Variants in DYNC2H1 observed in about 807,000 individuals in gnomAD.
DYNC2H1 encodes the protein cytoplasmic dynein 2 heavy chain 1.
Under a neutral mutation model 570.0 loss-of-function variants are expected in DYNC2H1, and 410 were observed. The observed-to-expected ratio is 0.72, with a 90% CI of 0.66 to 0.78. The LOEUF (loss-of-function observed/expected upper bound fraction) is 0.78. Ranked by LOEUF, DYNC2H1 falls within the 30% of genes least tolerant of loss-of-function variation. DYNC2H1 has a pLI of 0.00. For synonymous variants in DYNC2H1, 1,688 were observed against 1,677.6 expected (o/e 1.01, Z -0.15); for missense variants, 4,865 against 5,046.4 (o/e 0.96, Z 1.09).
chr11:103,292,570 T>C (rs313382), intron 75 of DYNC2H1, among the ~76,000 whole-genome samples: 99,125 of 152,102 alleles, frequency 0.65, 32,272 homozygotes, highest in East Asian at 0.71. Flanking sequence ...GCAAATCTCA[T>C]GTTGAATTGT....
chr11:103,322,981 T>C (rs1037708068), intron 81 of DYNC2H1, among the ~76,000 whole-genome samples: 4 of 152,158 alleles, frequency 2.6e-5, no homozygotes, highest in African/African-American at 7.2e-5. Context: ...TTCCAAAATG[T>C]GACATATTTA....
chr11:103,418,270 A>G (rs569493348), intron 84 of DYNC2H1, among the ~76,000 whole-genome samples: 1 of 152,296 alleles, frequency 6.6e-6, no homozygotes, highest in East Asian at 1.9e-4. Flanking sequence ...CTATTTACAA[A>G]ATCTTAAGGA....
intron 82 of DYNC2H1, among the ~76,000 whole-genome samples, chr11:103,340,839 T>G (rs1939408321): frequency 6.6e-6 from 1 of 152,078 alleles, no homozygotes; most frequent in Non-Finnish European, 1.5e-5. Context: ...AACAGTTGAT[T>G]CACTCTGCCA....
rs538804444 is a variant in DYNC2H1 at position 103,399,646 on chromosome 11, T to C, written c.12157-17T>C. The C allele has an allele frequency of 6.3e-7, 1 of 1,579,492 alleles. No individual in the cohort carries two copies. The highest frequency in any genetic ancestry group is 1.3e-5 in the African/African-American group (1 of 74,130). ...CTGTGTTACTATTCGGTAAATATTA[T>C]GACATTTTTCTTTTAGAATTCAAAC... On this transcript the variant is annotated splice_polypyrimidine_tract_variant and intron_variant, in intron 83 of 88. Coordinates refer to ENST00000375735, the MANE Select transcript of DYNC2H1 (RefSeq NM_001377.3).
chr11:103,273,539 A>C (rs1865790218), intron 70 of DYNC2H1, among the ~76,000 whole-genome samples: 1 of 152,194 alleles, frequency 6.6e-6, no homozygotes, highest in Non-Finnish European at 1.5e-5. Flanking sequence ...GAAATAATGC[A>C]GCCATGCACT....
At chr11:103,464,670 A>G (rs1403744892) in intron 87 of DYNC2H1, among the ~76,000 whole-genome samples, 1 of 152,218 alleles carries the variant, frequency 6.6e-6, no homozygotes, top group Non-Finnish European at 1.5e-5. Flanking sequence ...TAATATATTC[A>G]AATTGATGAA....
chr11:103,304,379 T>C (rs919458895), intron 76 of DYNC2H1, among the ~76,000 whole-genome samples: 16 of 152,268 alleles, frequency 1.1e-4, no homozygotes, highest in African/African-American at 3.8e-4. Context: ...TTGTACCTGT[T>C]ACTAGTGATT....
In DYNC2H1 at chr11:103,159,086, A is replaced by G; in HGVS notation, c.4378+59A>G. ...TGAGTTTCAACTGTCTGCCAGGCCTAATATTATGCTCTTAGGTAGACTACT... is the reference window on the plus strand; with the variant it reads ...TGAGTTTCAACTGTCTGCCAGGCCTGATATTATGCTCTTAGGTAGACTACT... On this transcript the variant is annotated intron_variant, in intron 28 of 88. Transcript: ENST00000375735. The G allele has an allele frequency of 3.0e-6, 4 of 1,350,440 alleles. No individual in the cohort carries two copies. In the South Asian group the frequency reaches 3.8e-5, roughly 13 times the overall value. The allele number at this position is 1,350,440 out of a possible 1,614,324, so 83.7% of individuals were successfully genotyped here.
At chr11:103,466,311 AAAT>A (rs1335413561) in intron 87 of DYNC2H1, among the ~76,000 whole-genome samples, 1 of 152,204 alleles carries the variant, frequency 6.6e-6, no homozygotes, top group African/African-American at 2.4e-5. Flanking sequence ...AAAGTTACAG[AAAT>A]AAAACTGAAA....
In DYNC2H1 at chr11:103,145,782, C is replaced by T. The variant is rs1860213399; in HGVS notation, c.2703-1990C>T. Among the ~76,000 whole-genome samples, 1 of 152,144 alleles carries T rather than the reference C, an allele frequency of 6.6e-6. No individual in the cohort carries two copies. The highest frequency in any genetic ancestry group is 2.4e-5 in the African/African-American group (1 of 41,440). ...CATAAGAAAATCATTTTTGAATATG[C>T]ATCTTTGATATATAATGAGTCATCT... On this transcript the variant is annotated intron_variant, in intron 18 of 88. Transcript: ENST00000375735. This position sits in a 1 kb window ranked among gnomAD's most constrained non-coding sequence, Gnocchi z 4.2.
chr11:103,307,827 A>C lies in DYNC2H1; in HGVS notation c.11489A>C (p.Tyr3830Ser). ...ILLQSSLKIT[Y>S]ESPPGLKKNL... is the part of the protein sequence containing the mutation. ...CTACAGTCAAGTCTGAAGATAACAT[A>C]TGAGGTAAGAAGATTTAAAACTTGG... Residue 3830 changes from tyrosine to serine, a missense_variant, in exon 78 of 89, where the codon TAT (tyrosine) becomes TCT (serine). Tyr to Ser is a moderately radical substitution (Grantham distance 144, BLOSUM62 -2). Around this residue, in one of 5 missense-constraint regions of DYNC2H1, gnomAD observed 2,401 missense variants for 2,454.6 expected, o/e 0.98. Transcript: ENST00000375735. 6.4e-7 allele frequency: 1 copy of C among 1,569,586 alleles called. No homozygotes were observed. Among genetic ancestry groups the C allele is most frequent in the East Asian group, 2.3e-5 (1 of 43,986 alleles).
rs1944202853 is a variant in DYNC2H1 at position 103,439,842 on chromosome 11, G to A, written c.12456+3810G>A. Among the ~76,000 whole-genome samples the A allele has an allele frequency of 6.6e-6, 1 of 151,994 alleles. No homozygotes were observed. The highest frequency in any genetic ancestry group is 6.6e-5 in the Admixed American group (1 of 15,248). ...TGGACTGGACAGATTACTCTCTTTG[G>A]GGAACTTAGAATTATTTCCCTGGCT... is the stretch of plus-strand genomic sequence containing the variant. On this transcript the variant is annotated intron_variant, in intron 85 of 88. Coordinates refer to ENST00000375735, the MANE Select transcript of DYNC2H1 (RefSeq NM_001377.3). This position sits in a 1 kb window ranked among gnomAD's most constrained non-coding sequence, Gnocchi z 4.1.
Position 103,219,638 on chromosome 11 carries a change from A to G in DYNC2H1, c.8833-277A>G, listed in dbSNP as rs1424627081. On this transcript the variant is annotated intron_variant, in intron 55 of 88. Coordinates refer to ENST00000375735, the MANE Select transcript of DYNC2H1 (RefSeq NM_001377.3). ...AAAAAAAATTAAAAAGGAGAAAATT[A>G]CGTTTTTCTATCTTGTTTAAATTTT... Among the ~76,000 whole-genome samples, 9 of 152,144 alleles carry G rather than the reference A, an allele frequency of 5.9e-5. No homozygotes were observed. In the South Asian group the frequency reaches 1.5e-3, roughly 25 times the overall value.
chr11:103,418,300 A>C (rs1285237661), intron 84 of DYNC2H1, among the ~76,000 whole-genome samples: 1 of 152,238 alleles, frequency 6.6e-6, no homozygotes, highest in Non-Finnish European at 1.5e-5. Context: ...AAAGATTTAG[A>C]GCTAGTAAGA....
rs769288132 is a variant in DYNC2H1, at chr11:103,109,746, G to C, written c.172G>C (p.Ala58Pro). 61 of 1,613,440 alleles carry C rather than the reference G, an allele frequency of 3.8e-5. No individual in the cohort carries two copies. The South Asian group carries it at 5.1e-4, about 13-fold the overall frequency. The change falls in exon 1 of 89, where the codon GCA becomes CCA. Residue 58 changes from alanine to proline, a missense_variant. Ala to Pro is a conservative substitution (Grantham distance 27). Transcript: ENST00000375735. ...QMLLRVQRSDAGISFSNTIEF... is the reference protein window; with the variant it reads ...QMLLRVQRSDPGISFSNTIEF... ...GCTCCTCAGGGTGCAGCGATCCGAC[G>C]CAGGAATCTCCTTTTCCAACACGGT...
Position 103,236,490 on chromosome 11 carries a change from G to A in DYNC2H1, c.9770G>A (p.Gly3257Asp). 1.2e-6 allele frequency: 2 copies of A among 1,609,324 alleles called. No individual in the cohort carries two copies. The highest frequency in any genetic ancestry group is 1.1e-5 in the South Asian group (1 of 90,752). ...ESEQLIWKSE[G>D]LPSDDLSIEN... ...GAGCAGTTAATTTGGAAAAGTGAAG[G>A]CCTACCATCAGATGACCTTTCCATA... The change falls in exon 63 of 89, where the codon GGC becomes GAC. Residue 3257 changes from glycine (G) to aspartate (D), a missense_variant. By Grantham distance (94) the Gly-to-Asp change is moderately conservative (BLOSUM62 -1). Coordinates refer to ENST00000375735, the MANE Select transcript of DYNC2H1 (RefSeq NM_001377.3).
intron 70 of DYNC2H1, among the ~76,000 whole-genome samples, chr11:103,262,339 A>T (rs1865331971): frequency 1.3e-5 from 2 of 152,214 alleles, no homozygotes; most frequent in Admixed American, 1.3e-4. Context: ...CAAATTCAGG[A>T]AGTACAGAGA....
Position 103,418,900 on chromosome 11 carries a change from T to G in DYNC2H1, c.12367-17043T>G, listed in dbSNP as rs181808782. On this transcript the variant is annotated intron_variant, in intron 84 of 88. Coordinates refer to ENST00000375735, the MANE Select transcript of DYNC2H1 (RefSeq NM_001377.3). ...GTCCGAAACACAGAGCTGTGTGGAG[T>G]CTGCACAGCAGCTGCTCAGGTACAC... Among the ~76,000 whole-genome samples, 14 of 152,068 alleles carry G rather than the reference T, an allele frequency of 9.2e-5. No homozygotes were observed. In the East Asian group the frequency reaches 2.1e-3, roughly 23 times the overall value.
intron 6 of DYNC2H1, among the ~76,000 whole-genome samples, chr11:103,119,192 G>A (rs1386489251): frequency 6.6e-6 from 1 of 152,080 alleles, no homozygotes; most frequent in Admixed American, 6.5e-5. Context: ...TTTTGATAGT[G>A]TCATTATGAA....
Sources: allele counts gnomAD v4.1 joint callset (sites outside exome capture counted in the v4.1 genomes callset), GRCh38; gene constraint gnomAD v4.1.1; regional missense constraint gnomAD v4.1.1; non-coding constraint Gnocchi (gnomAD v3.1); transcripts MANE v1.5; gene names NCBI Gene and HGNC (gene_info 2026-07-23, HGNC 2026-07-21).